Variants in LRP2 observed in about 807,000 individuals in gnomAD.
The protein encoded by LRP2 is low-density lipoprotein receptor-related protein 2.
Under a neutral mutation model 531.0 loss-of-function variants are expected in LRP2, and 172 were observed. The observed-to-expected ratio is 0.32, with a 90% confidence interval of 0.29 to 0.37. LRP2 has a LOEUF of 0.37. Ranked by LOEUF, LRP2 falls within the 10% of genes least tolerant of loss-of-function variation. The pLI, the probability that LRP2 is intolerant of heterozygous loss-of-function variation, is 1.00. For synonymous variants in LRP2, 1,992 were observed against 2,027.6 expected (o/e 0.98, Z 0.47); for missense variants, 5,167 against 5,868.3 (o/e 0.88, Z 3.90).
chr2:169,149,673 C>T (rs1437279387), intron 68 of LRP2, among the ~76,000 whole-genome samples: 1 of 151,962 alleles, frequency 6.6e-6, no homozygotes, highest in Non-Finnish European at 1.5e-5. Flanking sequence ...CCTGTCTCTA[C>T]TGAAAATACA....
At chr2:169,272,510 A>G (rs993738808) in intron 15 of LRP2, among the ~76,000 whole-genome samples, 3 of 152,134 alleles carry the variant, frequency 2.0e-5, no homozygotes, top group African/African-American at 4.8e-5. Context: ...AGGAGAAGTC[A>G]AAGTGGGGAG....
chr2:169,188,301 T>A (rs370559643), intron 48 of LRP2, 36 bp from the exon 49 acceptor site: 15 of 1,609,502 alleles, frequency 9.3e-6, no homozygotes, highest in Non-Finnish European at 1.3e-5. Context: ...TTCAGAGAGG[T>A]TGGCAATAAA....
At chr2:169,316,565 A>G (rs1024951518) in intron 3 of LRP2, among the ~76,000 whole-genome samples, 29 of 152,308 alleles carry the variant, frequency 1.9e-4, no homozygotes, top group African/African-American at 6.5e-4. Context: ...CAAATATAGA[A>G]GGAAAATCCA....
intron 16 of LRP2, among the ~76,000 whole-genome samples, chr2:169,265,090 A>G (rs956423497): frequency 2.0e-5 from 3 of 150,982 alleles, no homozygotes; most frequent in African/African-American, 7.3e-5. Flanking sequence ...GGAGAAATTA[A>G]TCACCCCCAG....
At chr2:169,314,412 G>T (rs1296126107) in intron 3 of LRP2, among the ~76,000 whole-genome samples, 1 of 140,820 alleles carries the variant, frequency 7.1e-6, no homozygotes, top group Non-Finnish European at 1.5e-5. Context: ...AGCAAAGCAA[G>T]ACCCCTGTCT....
chr2:169,317,229 G>C (rs1684786983), intron 3 of LRP2, among the ~76,000 whole-genome samples: 1 of 152,166 alleles, frequency 6.6e-6, no homozygotes, highest in African/African-American at 2.4e-5. Flanking sequence ...CCTCTGTAAA[G>C]TATTATTATT....
chr2:169,305,594 T>A (rs1684394657), intron 4 of LRP2, among the ~76,000 whole-genome samples: 1 of 152,174 alleles, frequency 6.6e-6, no homozygotes, highest in Non-Finnish European at 1.5e-5. Context: ...ACATAATAAC[T>A]GAAAAGTTTA....
At position 169,213,294 on chromosome 2, in the gene LRP2, T is replaced by C. The variant is rs139577366; in HGVS notation, c.6040+363A>G. ...CAAGCACTATTCTAATCACCGAGTA[T>C]TGAGCAGCAAACAAGACAGACAAAA... On this transcript the variant is annotated intron_variant, in intron 36 of 78. Coordinates refer to ENST00000649046, the MANE Select transcript of LRP2 (RefSeq NM_004525.3). Among the ~76,000 whole-genome samples, 26 of 152,288 alleles carry C rather than the reference T, an allele frequency of 1.7e-4. No individual in the cohort carries two copies. In the East Asian group the frequency reaches 5.0e-3, roughly 29 times the overall value.
intron 44 of LRP2, 128 bp downstream of exon 44, chr2:169,201,500 A>C: frequency 3.7e-6 from 5 of 1,339,072 alleles, no homozygotes; most frequent in Non-Finnish European, 5.1e-6. Context: ...CCTAGCCAAA[A>C]ATTTACGTTT....
chr2:169,172,086 T>C lies in LRP2; in HGVS notation c.11192A>G (p.His3731Arg). The C allele has an allele frequency of 6.2e-7, 1 of 1,614,210 alleles. No individual in the cohort carries two copies. Among genetic ancestry groups the C allele is most frequent in the Non-Finnish European group, 8.5e-7 (1 of 1,180,018 alleles). Residue 3731 changes from histidine (H) to arginine (R), a missense_variant, in exon 58 of 79, where the codon CAC becomes CGC. By Grantham distance (29) the His-to-Arg change is conservative. Around this residue, in one of 6 missense-constraint regions of LRP2, gnomAD observed 311 missense variants for 309.4 expected, o/e 1.01. Coordinates refer to ENST00000649046, the MANE Select transcript of LRP2 (RefSeq NM_004525.3). ...PVGDFRCKNH[H>R]CIPLRWQCDG... Reference sequence around the variant, plus strand: ...ACACTGCCAACGAAGAGGGATGCAGTGGTGATTTTTACAGCGGAAATCCCC... The same window carrying C: ...ACACTGCCAACGAAGAGGGATGCAGCGGTGATTTTTACAGCGGAAATCCCC...
chr2:169,196,174 T>C (rs1687997743), intron 46 of LRP2, among the ~76,000 whole-genome samples: 1 of 152,176 alleles, frequency 6.6e-6, no homozygotes, highest in African/African-American at 2.4e-5. Flanking sequence ...GACGTGGCCA[T>C]AGTAGAGGGA....
intron 1 of LRP2, among the ~76,000 whole-genome samples, chr2:169,341,830 C>T (rs1685570563): frequency 6.6e-6 from 1 of 152,138 alleles, no homozygotes; most frequent in Non-Finnish European, 1.5e-5. Flanking sequence ...GACTATATAT[C>T]AGGCATATAA....
At chr2:169,186,548 G>T (rs1687642533) in intron 49 of LRP2, among the ~76,000 whole-genome samples, 1 of 152,218 alleles carries the variant, frequency 6.6e-6, no homozygotes, top group Non-Finnish European at 1.5e-5. Flanking sequence ...AGGACAGCAA[G>T]TTCTTATTAG....
intron 33 of LRP2, among the ~76,000 whole-genome samples, chr2:169,223,796 C>T (rs573871689): frequency 2.6e-5 from 4 of 152,298 alleles, no homozygotes; most frequent in African/African-American, 9.6e-5. Context: ...GATAATTCTA[C>T]CTGGCTTGAG....
chr2:169,243,105 G>T (rs1410612154), intron 23 of LRP2, 33 bp from the exon 24 acceptor site: 2 of 1,508,332 alleles, frequency 1.3e-6, no homozygotes, highest in African/African-American at 1.4e-5. Flanking sequence ...TTAGAAATTA[G>T]CTCAGGGCTA....
intron 71 of LRP2, 70 bp downstream of exon 71, chr2:169,142,603 AT>A (rs1366716711): frequency 5.0e-6 from 8 of 1,603,502 alleles, no homozygotes; most frequent in Non-Finnish European, 6.8e-6. Context: ...GCATACAGGG[AT>A]TCTTCTGACT....
chr2:169,280,228 A>G (rs779177427), intron 11 of LRP2, 122 bp downstream of exon 11: 8 of 1,051,574 alleles, frequency 7.6e-6, no homozygotes, highest in Non-Finnish European at 1.1e-5. Flanking sequence ...TTAACATAAA[A>G]TATCTCAAGG....
chr2:169,303,665 T>C (rs2105486357), intron 4 of LRP2, among the ~76,000 whole-genome samples: 1 of 152,166 alleles, frequency 6.6e-6, no homozygotes, highest in East Asian at 1.9e-4. Context: ...TTTTCTACAT[T>C]TCCTCTGATT....
rs560776566 is a variant in LRP2 at position 169,147,465 on chromosome 2, C to T, written c.12591-506G>A. ...GAGTAGCTAGGACTACAGGCATGTG[C>T]CACCATGCCTGGCTAGTTTTTTGTG... On this transcript the variant is annotated intron_variant, in intron 68 of 78. Coordinates refer to ENST00000649046, the MANE Select transcript of LRP2 (RefSeq NM_004525.3). Among the ~76,000 whole-genome samples, 43 of 152,174 alleles carry T rather than the reference C, an allele frequency of 2.8e-4. No homozygotes were observed. The South Asian group carries it at 5.8e-3, about 21-fold the overall frequency.
Sources: allele counts gnomAD v4.1 joint callset (sites outside exome capture counted in the v4.1 genomes callset), GRCh38; gene constraint gnomAD v4.1.1; regional missense constraint gnomAD v4.1.1; transcripts MANE v1.5; gene names NCBI Gene and HGNC (gene_info 2026-07-23, HGNC 2026-07-21).